USP28: variants seen among roughly 807,000 people sequenced by gnomAD.
USP28 encodes the protein ubiquitin specific peptidase 28, also known as ubiquitin carboxyl-terminal hydrolase 28.
In USP28, 113 loss-of-function variants were observed where a neutral mutation model predicts 145.0. The observed-to-expected ratio is 0.78, with a 90% CI of 0.67 to 0.91. The LOEUF (loss-of-function observed/expected upper bound fraction) is 0.91, where lower values mean the gene tolerates loss of function less well. Among genes scored for constraint, USP28 ranks in the 40% least tolerant of loss-of-function variants. The pLI, the probability that USP28 is intolerant of heterozygous loss-of-function variation, is 0.00. For synonymous variants in USP28, 447 were observed against 450.9 expected, an observed-to-expected ratio of 0.99 and a Z score of 0.11; for missense variants, 1,201 against 1,289.6, an observed-to-expected ratio of 0.93 and a Z score of 1.05.
At chr11:113,844,300 G>T (rs1226976942) in intron 3 of USP28, among the ~76,000 whole-genome samples, 1 of 152,022 alleles carries the variant, frequency 6.6e-6, no homozygotes, top group Non-Finnish European at 1.5e-5. Context: ...AATTAGCCGG[G>T]CGTGGTGGCA....
intron 1 of USP28, among the ~76,000 whole-genome samples, chr11:113,861,011 G>A (rs781448853): frequency 2.0e-5 from 3 of 151,864 alleles, no homozygotes; most frequent in African/African-American, 4.8e-5. Flanking sequence ...CCAGCTACTC[G>A]GGAGGCTGAG....
intron 22 of USP28, 114 bp from the exon 24 acceptor site, chr11:113,803,395 A>G (rs1156293128): frequency 8.2e-7 from 1 of 1,225,430 alleles, no homozygotes; most frequent in Non-Finnish European, 1.1e-6. Flanking sequence ...TGAAAAAGTG[A>G]AGGACCAAAG....
At chr11:113,821,909 GA>G in intron 12 of USP28, 1 of 151,668 alleles carries the variant, frequency 6.6e-6, no homozygotes, top group African/African-American at 2.4e-5. Flanking sequence ...TGGAGGGTGT[GA>G]GGGTGGGGTG....
chr11:113,815,297 A>G (rs991550153), exon 14 of USP28: 3 of 1,614,180 alleles, frequency 1.9e-6, no homozygotes, highest in African/African-American at 1.3e-5. Context: ...GACCGAGAAG[A>G]TGTCAGTGGT....
exon 14 of USP28, chr11:113,815,265 C>T (rs1371664035): frequency 1.2e-6 from 2 of 1,614,148 alleles, no homozygotes; most frequent in Non-Finnish European, 1.7e-6. Flanking sequence ...GTGGAGCTGG[C>T]TGTGAAGGCA....
At chr11:113,826,046 AGGCAGAGACG>A (rs1943247959) in intron 11 of USP28, among the ~76,000 whole-genome samples, 1 of 152,112 alleles carries the variant, frequency 6.6e-6, no homozygotes, top group Non-Finnish European at 1.5e-5. Context: ...GCACTTTGGG[AGGCAGAGACG>A]GGCAGATCAC....
intron 1 of USP28, among the ~76,000 whole-genome samples, chr11:113,857,082 T>G (rs1484526406): frequency 6.6e-6 from 1 of 152,216 alleles, no homozygotes; most frequent in African/African-American, 2.4e-5. Flanking sequence ...CTGCTGCCAC[T>G]TGAACTATGA....
chr11:113,870,243 G>A (rs1948684090), intron 1 of USP28, among the ~76,000 whole-genome samples: 1 of 151,750 alleles, frequency 6.6e-6, no homozygotes, highest in African/African-American at 2.4e-5. Context: ...AAAGTATGAG[G>A]GGGCCAGGTG....
chr11:113,871,618 C>G (rs1243008944), intron 1 of USP28, among the ~76,000 whole-genome samples: 1 of 152,018 alleles, frequency 6.6e-6, no homozygotes, highest in African/African-American at 2.4e-5. Context: ...CTAGGTTTAT[C>G]TCTAAGAAAT....
chr11:113,799,521 T>C (rs961930311), intron 24 of USP28, 106 bp from the exon 26 acceptor site: 11 of 1,268,168 alleles, frequency 8.7e-6, no homozygotes, highest in Admixed American at 5.3e-5. Context: ...GTCAAAGCAT[T>C]ATGCTGGCCA....
chr11:113,863,576 T>C (rs539982555), intron 1 of USP28, among the ~76,000 whole-genome samples: 3 of 146,302 alleles, frequency 2.1e-5, no homozygotes, highest in South Asian at 2.2e-4. Flanking sequence ...GCCCAGAAGA[T>C]GGAGGTTGCA....
intron 16 of USP28, among the ~76,000 whole-genome samples, chr11:113,810,693 T>C (rs1342370887): frequency 2.0e-5 from 3 of 152,234 alleles, no homozygotes; most frequent in Non-Finnish European, 4.4e-5. Context: ...TTGTTTTTTT[T>C]GAGACAAAGT....
chr11:113,875,469 G>C (rs1469215836), exon 1 of USP28: 3 of 1,235,330 alleles, frequency 2.4e-6, no homozygotes, highest in East Asian at 3.9e-5. Flanking sequence ...CTGCCGCGCC[G>C]GCCGCGTCGT....
intron 22 of USP28, 34 bp from the exon 24 acceptor site, chr11:113,803,315 GCT>G: frequency 6.3e-7 from 1 of 1,576,838 alleles, no homozygotes; most frequent in Admixed American, 1.9e-5. Context: ...ACAGCTGAGT[GCT>G]CTTTTACTAA....
At chr11:113,812,449 T>A in exon 16 of USP28, 1 of 1,614,096 alleles carries the variant, frequency 6.2e-7, no homozygotes, top group Non-Finnish European at 8.5e-7. Context: ...GGCCCAATAG[T>A]GTCCAGCATT....
chr11:113,808,521 A>G, intron 17 of USP28, 84 bp from the exon 18 acceptor site: 1 of 1,429,762 alleles, frequency 7.0e-7, no homozygotes, highest in Non-Finnish European at 9.5e-7. Context: ...GAATGTATAC[A>G]GTTTAATATA....
At chr11:113,870,108 G>A (rs1208989754) in intron 1 of USP28, among the ~76,000 whole-genome samples, 3 of 152,206 alleles carry the variant, frequency 2.0e-5, no homozygotes, top group Non-Finnish European at 4.4e-5. Context: ...GATGCAGTGA[G>A]CCAAGATCGT....
chr11:113,828,347 G>C (rs1296435593), intron 10 of USP28, among the ~76,000 whole-genome samples: 1 of 152,206 alleles, frequency 6.6e-6, no homozygotes, highest in Non-Finnish European at 1.5e-5. Context: ...TTTTGTAAGA[G>C]GATGCACCAG....
chr11:113,812,329 A>G (rs373679613), exon 16 of USP28: 36 of 1,614,018 alleles, frequency 2.2e-5, no homozygotes, highest in Admixed American at 8.3e-5. Flanking sequence ...GTAAGCACTA[A>G]CATTTCTCAG....
Sources: allele counts gnomAD v4.1 joint callset (sites outside exome capture counted in the v4.1 genomes callset), GRCh38; gene constraint gnomAD v4.1.1; transcripts MANE v1.5; gene names NCBI Gene and HGNC (gene_info 2026-07-23, HGNC 2026-07-21).